Variants in NDUFB3 observed in about 807,000 individuals in gnomAD.
NDUFB3 encodes NADH:ubiquinone oxidoreductase subunit B3, also known as NADH dehydrogenase [ubiquinone] 1 beta subcomplex subunit 3.
NDUFB3 carries 7 observed loss-of-function variants against 9.0 expected under a neutral mutation model. The ratio of observed to expected loss-of-function variants is 0.78; its 90% CI spans 0.44 to 1.46. NDUFB3 has a LOEUF of 1.46. NDUFB3 is among the 40% of genes most tolerant of loss of function. The probability of loss-of-function intolerance (pLI) is 0.01; values close to 1 mark genes in which losing one functional copy is unlikely to be tolerated. For missense variants in NDUFB3, 93 were observed against 115.4 expected (o/e 0.81, Z 0.89); for synonymous variants, 29 against 38.5 (o/e 0.75, Z 0.91).
chr2:201,075,288 G>A lies in NDUFB3; in HGVS notation c.-3+3229G>A, dbSNP rs569607957. 7.2e-5 allele frequency among the ~76,000 whole-genome samples: 11 copies of A among 151,732 alleles called. No individual in the cohort carries two copies. The East Asian group carries it at 1.9e-3, about 27-fold the overall frequency. On this transcript the variant is annotated intron_variant, in intron 1 of 2. Transcript: ENST00000237889. Reference sequence around the variant, plus strand: ...AGTCATTTATATGTTATATTTAGCCGGGCACCGTGGCTCATGCCTGTAATC... The same window carrying A: ...AGTCATTTATATGTTATATTTAGCCAGGCACCGTGGCTCATGCCTGTAATC...
rs751392490 is a variant in NDUFB3 at position 201,078,973 on chromosome 2, A to ACTAT, written c.93_96dup (p.Gln33TyrfsTer18). On this transcript the variant is annotated frameshift_variant, in exon 2 of 3. Coordinates refer to ENST00000237889, the MANE Select transcript of NDUFB3 (RefSeq NM_002491.3). LOFTEE classifies it high-confidence loss of function. Reference sequence around the variant, plus strand: ...GAAGATAGAAGGGACACCATTAGAAACTATCCAGAAGAAGCTGGCTGCAAA... The same window carrying ACTAT: ...GAAGATAGAAGGGACACCATTAGAAACTATCTATCCAGAAGAAGCTGGCTGCAAA... 1 of 1,613,454 alleles carries ACTAT rather than the reference A, an allele frequency of 6.2e-7. No individual in the cohort carries two copies. Among genetic ancestry groups the ACTAT allele is most frequent in the African/African-American group, 1.3e-5 (1 of 74,896 alleles).
intron 2 of NDUFB3, 68 bp downstream of exon 2, chr2:201,079,090 T>C: frequency 6.7e-7 from 1 of 1,486,438 alleles, no homozygotes; most frequent in African/African-American, 1.4e-5. Flanking sequence ...TGCTTTTCAA[T>C]GTATTCTCCT....
rs762774633 is a variant in NDUFB3 at position 201,085,637 on chromosome 2, T to C, written c.*22T>C. ...CTGAAGATAATACCTGGAAGCATCA[T>C]AGTGGTTTCTTAACTCTCCAAAATA... On this transcript the variant is annotated 3_prime_UTR_variant, in exon 3 of 3. Coordinates refer to ENST00000237889, the MANE Select transcript of NDUFB3 (RefSeq NM_002491.3). 3 of 1,599,496 alleles carry C rather than the reference T, an allele frequency of 1.9e-6. No individual in the cohort carries two copies. The highest frequency in any genetic ancestry group is 2.2e-5 in the East Asian group (1 of 44,738).
chr2:201,077,943 A>G (rs1266730433), intron 1 of NDUFB3, among the ~76,000 whole-genome samples: 2 of 152,188 alleles, frequency 1.3e-5, no homozygotes, highest in African/African-American at 4.8e-5. Flanking sequence ...AGGATGTATA[A>G]CCTTTTTATT....
rs752858282 is a variant in NDUFB3, at chr2:201,085,498, T to C, written c.180T>C (p.Ser60=). ...AWRYMGGFAK[S]VSFSDVFFKG... ...GATACATGGGTGGCTTTGCAAAGAG[T>C]GTTTCCTTTTCTGATGTATTCTTTA... Residue 60 remains serine (S), a synonymous_variant, in exon 3 of 3, where the codon AGT becomes AGC. Transcript: ENST00000237889. 1 of 1,611,554 alleles carries C rather than the reference T, an allele frequency of 6.2e-7. No individual in the cohort carries two copies. The highest frequency in any genetic ancestry group is 8.5e-7 in the Non-Finnish European group (1 of 1,178,948).
intron 1 of NDUFB3, among the ~76,000 whole-genome samples, chr2:201,072,635 A>G (rs2047096797): frequency 2.6e-5 from 4 of 151,576 alleles, no homozygotes; most frequent in Admixed American, 2.6e-4. Context: ...TTTTTTCTTT[A>G]TTTAACTAAT....
intron 2 of NDUFB3, 111 bp from the exon 3 acceptor site, chr2:201,085,348 A>G (rs181081377): frequency 1.9e-5 from 14 of 742,024 alleles, no homozygotes; most frequent in Non-Finnish European, 2.5e-5. Context: ...CACTTAAATG[A>G]TCTTCTGTAG....
At chr2:201,079,516 C>T (rs1226479203) in intron 2 of NDUFB3, among the ~76,000 whole-genome samples, 3 of 152,094 alleles carry the variant, frequency 2.0e-5, no homozygotes, top group African/African-American at 7.2e-5. Context: ...GTGGTGCGCT[C>T]ACAGCAACCT....
intron 1 of NDUFB3, among the ~76,000 whole-genome samples, chr2:201,077,756 C>T (rs550988468): frequency 6.6e-6 from 1 of 152,048 alleles, no homozygotes; most frequent in Non-Finnish European, 1.5e-5. Context: ...AAGGTATTTG[C>T]GGTAGTGTGT....
intron 2 of NDUFB3, among the ~76,000 whole-genome samples, chr2:201,082,754 C>T (rs1282376078): frequency 2.7e-4 from 39 of 143,704 alleles, no homozygotes; most frequent in African/African-American, 9.6e-4. Context: ...TCGCCCAGGC[C>T]GGACTGCGGA....
At chr2:201,085,080 A>T (rs2047274699) in intron 2 of NDUFB3, among the ~76,000 whole-genome samples, 1 of 152,248 alleles carries the variant, frequency 6.6e-6, no homozygotes, top group Non-Finnish European at 1.5e-5. Context: ...TGTGAATCTA[A>T]TATAAGTGGC....
At chr2:201,083,798 C>G (rs1171218156) in intron 2 of NDUFB3, among the ~76,000 whole-genome samples, 1 of 152,106 alleles carries the variant, frequency 6.6e-6, no homozygotes, top group African/African-American at 2.4e-5. Flanking sequence ...TGGAGTGAAC[C>G]CTACTTCATT....
intron 2 of NDUFB3, among the ~76,000 whole-genome samples, chr2:201,082,699 C>CTTTTTTT (rs1170018569): frequency 1.6e-4 from 16 of 100,436 alleles, no homozygotes; most frequent in South Asian, 3.2e-4. Flanking sequence ...GCTAAATTCA[C>CTTTTTTT]TTTTTTTTTT....
chr2:201,078,725 C>A (rs1440488179), intron 1 of NDUFB3, among the ~76,000 whole-genome samples, 156 bp from the exon 2 acceptor site: 1 of 151,438 alleles, frequency 6.6e-6, no homozygotes, highest in Non-Finnish European at 1.5e-5. Flanking sequence ...TAGAATAAGA[C>A]ACTTTTATAA....
At chr2:201,075,064 G>A (rs1559147560) in intron 1 of NDUFB3, among the ~76,000 whole-genome samples, 1 of 151,646 alleles carries the variant, frequency 6.6e-6, no homozygotes, top group Non-Finnish European at 1.5e-5. Flanking sequence ...AAGAAAAATG[G>A]GCCAGGTGCC....
rs890061443 is a variant in NDUFB3, at chr2:201,075,482, C to T, written c.-2-3399C>T. On this transcript the variant is annotated intron_variant, in intron 1 of 2. Coordinates refer to ENST00000237889, the MANE Select transcript of NDUFB3 (RefSeq NM_002491.3). ...TCGGGAGGCTGAGGCAGGAGAATTG[C>T]TTGAACCTGGGAGTCACAGGTTGCA... 2.7e-4 allele frequency among the ~76,000 whole-genome samples: 40 copies of T among 146,002 alleles called. 1 individual carries two copies. In the Admixed American group the frequency reaches 2.8e-3, roughly 10 times the overall value.
intron 2 of NDUFB3, among the ~76,000 whole-genome samples, 183 bp downstream of exon 2, chr2:201,079,205 C>T (rs568275719): frequency 7.3e-5 from 11 of 150,586 alleles, no homozygotes; most frequent in Non-Finnish European, 1.2e-4. Context: ...AGTGCAGTGG[C>T]GCGATCTCAG....
chr2:201,073,141 C>A (rs1467475389), intron 1 of NDUFB3, among the ~76,000 whole-genome samples: 1 of 152,156 alleles, frequency 6.6e-6, no homozygotes, highest in Non-Finnish European at 1.5e-5. Context: ...GATTCCATCT[C>A]CTCCACCAAG....
At chr2:201,076,515 T>TATATATATA (rs1165786222) in intron 1 of NDUFB3, among the ~76,000 whole-genome samples, 4 of 115,868 alleles carry the variant, frequency 3.5e-5, no homozygotes, top group Non-Finnish European at 7.7e-5. Flanking sequence ...ATATATATAA[T>TATATATATA]TAAATGTGAA....
Sources: gnomAD v4.1 joint callset for allele counts (sites outside exome capture counted in the v4.1 genomes callset) on GRCh38, gnomAD v4.1.1 for gene constraint, MANE v1.5 for transcripts, NCBI Gene and HGNC (gene_info 2026-07-23, HGNC 2026-07-21) for gene names.